MYH3: variants seen among roughly 807,000 people sequenced by gnomAD.
MYH3 encodes the protein myosin heavy chain 3.
A neutral mutation model predicts 238.0 loss-of-function variants in MYH3; 130 were observed. The ratio of observed to expected loss-of-function variants is 0.55; its 90% confidence interval spans 0.47 to 0.63. MYH3 has a LOEUF of 0.63. MYH3 is among the 30% of genes least tolerant of loss of function. MYH3 has a pLI of 0.00. For synonymous variants in MYH3, 880 were observed against 924.1 expected, an observed-to-expected ratio of 0.95 and a Z score of 0.86; for missense variants, 1,853 against 2,374.9, an observed-to-expected ratio of 0.78 and a Z score of 4.57.
chr17:10,653,955 G>A (rs1357146668), intron 3 of MYH3, among the ~76,000 whole-genome samples: 1 of 152,084 alleles, frequency 6.6e-6, no homozygotes, highest in Non-Finnish European at 1.5e-5. Flanking sequence ...TAGCACTGCA[G>A]GGCGGTTCTT....
intron 3 of MYH3, among the ~76,000 whole-genome samples, chr17:10,653,323 G>C (rs1423197145): frequency 6.6e-6 from 1 of 152,134 alleles, no homozygotes; most frequent in Non-Finnish European, 1.5e-5. Context: ...GGACCGAAGA[G>C]AATGAGGAAG....
the MYH3 span, among the ~76,000 whole-genome samples, chr17:10,670,953 G>A: frequency 5.9e-5 from 9 of 152,148 alleles, no homozygotes; most frequent in South Asian, 6.2e-4. The surrounding 1 kb of genome is among the most constrained non-coding windows in gnomAD (Gnocchi z 7.0). Context: ...GCAGTGGCGC[G>A]ATCTTGGCTC....
At chr17:10,667,471 T>C in the MYH3 span, among the ~76,000 whole-genome samples, 2 of 151,864 alleles carry the variant, frequency 1.3e-5, no homozygotes, top group South Asian at 2.1e-4. Context: ...CACTTGAGGA[T>C]AGGAGTTTGA....
chr17:10,630,237 T>C, intron 37 of MYH3, 41 bp from the exon 38 acceptor site: 2 of 1,613,216 alleles, frequency 1.2e-6, no homozygotes, highest in Non-Finnish European at 1.7e-6. Context: ...GGCTGCAGCG[T>C]GATTGGGAGG....
chr17:10,663,968 CAGG>C, the MYH3 span, among the ~76,000 whole-genome samples: 1 of 147,702 alleles, frequency 6.8e-6, no homozygotes, highest in African/African-American at 2.5e-5. Flanking sequence ...GAGGCTGAGG[CAGG>C]AGAATTGCTT....
Position 10,633,593 on chromosome 17 carries a change from C to G in MYH3, c.4645G>C (p.Glu1549Gln), listed in dbSNP as rs758088341. Residue 1549 changes from glutamate to glutamine, a missense_variant and splice_region_variant, in exon 33 of 41, where the codon GAG (glutamate) becomes CAG (glutamine). Coordinates refer to ENST00000583535, the MANE Select transcript of MYH3 (RefSeq NM_002470.4). ...TGAGCCTGCCTCCCAGCACTCACCT[C>G]TGCTTCCTCGAGAGCCAGCTGGATA... ...ADIQLALEEA[E>Q]AALEHEEAKI... 5.6e-6 allele frequency: 9 copies of G among 1,612,944 alleles called. No homozygotes were observed. Among genetic ancestry groups the G allele is most frequent in the Non-Finnish European group, 7.6e-6 (9 of 1,179,894 alleles).
At chr17:10,648,837 G>A (rs536391436) in intron 7 of MYH3, among the ~76,000 whole-genome samples, 188 bp from the exon 8 acceptor site, 62 of 152,114 alleles carry the variant, frequency 4.1e-4, no homozygotes, top group Non-Finnish European at 7.1e-4. Flanking sequence ...TACCATGCCC[G>A]GCTAATTTTG....
At position 10,649,620 on chromosome 17, in the gene MYH3, G is replaced by C; in HGVS notation, c.599C>G (p.Ala200Gly). 1.2e-6 allele frequency: 2 copies of C among 1,614,246 alleles called. No individual in the cohort carries two copies. The change falls in exon 7 of 41, where the codon GCA becomes GGA. Residue 200 changes from alanine (A) to glycine (G), a missense_variant. Ala to Gly is a moderately conservative substitution (Grantham distance 60, BLOSUM62 0). Around this residue, in one of 3 missense-constraint regions of MYH3, gnomAD observed 678 missense variants for 1,058.9 expected, o/e 0.64. Coordinates refer to ENST00000583535, the MANE Select transcript of MYH3 (RefSeq NM_002470.4). The stretch of plus-strand genomic sequence containing the variant: ...CTTCTTGGCCAGGTCCCCAGTAGCT[G>C]CAATTGTTGCAAAGTACTGGATGAC... ...KRVIQYFATI[A>G]ATGDLAKKKD...
rs1468143317 is a variant in MYH3 at position 10,632,776 on chromosome 17, A to C, written c.4656T>G (p.Leu1552=). 1 of 1,614,224 alleles carries C rather than the reference A, an allele frequency of 6.2e-7. No individual in the cohort carries two copies. Among genetic ancestry groups the C allele is most frequent in the East Asian group, 2.2e-5 (1 of 44,884 alleles). The change falls in exon 34 of 41, where the codon CTT becomes CTG. Residue 1552 remains leucine (L), a synonymous_variant. Transcript: ENST00000583535. ...GGAGGATCTTGGCTTCTTCATGCTC[A>C]AGAGCAGCCTTTAAGAAACAAAAGC... ...QLALEEAEAA[L]EHEEAKILRI... is the part of the protein sequence containing the mutation.
At chr17:10,632,936 G>T in intron 33 of MYH3, 152 bp from the exon 34 acceptor site, 4 of 903,682 alleles carry the variant, frequency 4.4e-6, no homozygotes, top group Non-Finnish European at 7.0e-6. Context: ...AATTGGCCGG[G>T]TGCAGTGGTT....
In MYH3 at chr17:10,638,285, C is replaced by T. The variant is rs1597485175; in HGVS notation, c.3487G>A (p.Glu1163Lys). 1 of 1,613,744 alleles carries T rather than the reference C, an allele frequency of 6.2e-7. No individual in the cohort carries two copies. The highest frequency in any genetic ancestry group is 8.5e-7 in the Non-Finnish European group (1 of 1,179,998). ...EAGGVTSTQI[E>K]LNKKREAEFL... ...TCCGCCTCCCGCTTCTTGTTGAGCT[C>T]TATCTGCGTGGAGGTGACGCCTCCC... The change falls in exon 27 of 41, where the codon GAG becomes AAG. Residue 1163 changes from glutamate to lysine, a missense_variant. Physicochemically the swap from Glu to Lys is moderately conservative, Grantham distance 56. Around this residue, in one of 3 missense-constraint regions of MYH3, gnomAD observed 1,044 missense variants for 1,192.6 expected, o/e 0.88. Coordinates refer to ENST00000583535, the MANE Select transcript of MYH3 (RefSeq NM_002470.4).
chr17:10,666,516 A>G, the MYH3 span, among the ~76,000 whole-genome samples: 4 of 146,282 alleles, frequency 2.7e-5, no homozygotes, highest in South Asian at 9.2e-4. Context: ...CTGAGGTGGG[A>G]GAATTGCTTG....
rs555880397 is a variant in MYH3 at position 10,639,338 on chromosome 17, A to G, written c.3062T>C (p.Leu1021Ser). Residue 1021 changes from leucine (L) to serine (S), a missense_variant, in exon 24 of 41, where the codon TTG becomes TCG. Physicochemically the swap from Leu to Ser is moderately radical, Grantham distance 145 (BLOSUM62 -2). Around this residue, in one of 3 missense-constraint regions of MYH3, gnomAD observed 1,044 missense variants for 1,192.6 expected, o/e 0.88. Transcript: ENST00000583535. ...LQAEEDKVNSLNKTKSKLEQQ... is the reference protein window; with the variant it reads ...LQAEEDKVNSSNKTKSKLEQQ... ...TTCCAGTTTGCTCTTGGTTTTGTTC[A>G]AAGAATTGACTTTGTCTTCTTCAGC... 62 of 1,614,046 alleles carry G rather than the reference A, an allele frequency of 3.8e-5. No homozygotes were observed. Among genetic ancestry groups the G allele is most frequent in the Non-Finnish European group, 5.1e-5 (60 of 1,180,046 alleles).
At chr17:10,667,562 TC>T in the MYH3 span, among the ~76,000 whole-genome samples, 4 of 151,738 alleles carry the variant, frequency 2.6e-5, no homozygotes, top group East Asian at 7.8e-4. Flanking sequence ...GCGCCTGTAG[TC>T]CCAGCTACTT....
chr17:10,643,089 C>A, intron 14 of MYH3, 93 bp from the exon 15 acceptor site: 1 of 1,602,388 alleles, frequency 6.2e-7, no homozygotes, highest in South Asian at 1.1e-5. Context: ...AGGTTCCTGT[C>A]AAACACATTA....
intron 36 of MYH3, among the ~76,000 whole-genome samples, chr17:10,630,799 C>T (rs2074148884): frequency 6.6e-6 from 1 of 151,598 alleles, no homozygotes. Context: ...TGCAGTGAGC[C>T]GAGATCTCGC....
upstream of MYH3, among the ~76,000 whole-genome samples, chr17:10,659,862 G>T (rs986950632): frequency 6.6e-6 from 1 of 152,236 alleles, no homozygotes; most frequent in Non-Finnish European, 1.5e-5. Flanking sequence ...CAGCTCTCCA[G>T]GAGAAATCCC....
At chr17:10,645,232 T>A (rs1488779085) in intron 12 of MYH3, among the ~76,000 whole-genome samples, 1 of 152,030 alleles carries the variant, frequency 6.6e-6, no homozygotes, top group African/African-American at 2.4e-5. Context: ...GTCAGGAGTT[T>A]GAGCCTGGCC....
chr17:10,637,312 G>A (rs563550325), intron 28 of MYH3, among the ~76,000 whole-genome samples: 16 of 152,146 alleles, frequency 1.1e-4, no homozygotes, highest in African/African-American at 1.4e-4. Flanking sequence ...CGCCCGCCTC[G>A]GCCTCCCAAA....
Sources: allele counts gnomAD v4.1 joint callset (sites outside exome capture counted in the v4.1 genomes callset), GRCh38; gene constraint gnomAD v4.1.1; regional missense constraint gnomAD v4.1.1; non-coding constraint Gnocchi (gnomAD v3.1); transcripts MANE v1.5; gene names NCBI Gene and HGNC (gene_info 2026-07-23, HGNC 2026-07-21).